Variants in ABLIM1 observed in about 807,000 individuals in gnomAD.
ABLIM1 encodes the protein actin-binding LIM protein 1.
A neutral mutation model predicts 107.0 loss-of-function variants in ABLIM1; 40 were observed. That is an observed-to-expected ratio of 0.37 (90% CI 0.29 to 0.49). The LOEUF is 0.49. Ranked by LOEUF, ABLIM1 falls within the 20% of genes least tolerant of loss-of-function variation. The pLI is 0.97. For synonymous variants in ABLIM1, 357 were observed against 357.3 expected, an observed-to-expected ratio of 1.00 and a Z score of 0.01; for missense variants, 857 against 1,008.5, an observed-to-expected ratio of 0.85 and a Z score of 2.04.
intron 1 of ABLIM1, among the ~76,000 whole-genome samples, chr10:114,757,705 C>A (rs560065478): frequency 6.6e-6 from 1 of 152,326 alleles, no homozygotes; most frequent in East Asian, 1.9e-4. Flanking sequence ...CCTAACTGTT[C>A]TTCTTGCTTC....
intron 6 of ABLIM1, among the ~76,000 whole-genome samples, chr10:114,508,880 C>A (rs12765660): frequency 0.14 from 21,495 of 152,172 alleles, 1,709 homozygotes; most frequent in Middle Eastern, 0.18. Context: ...GAAAGTTCTA[C>A]AAACAGATGA....
intron 1 of ABLIM1, among the ~76,000 whole-genome samples, chr10:114,617,350 C>T (rs2077193172): frequency 6.6e-6 from 1 of 151,022 alleles, no homozygotes; most frequent in African/African-American, 2.4e-5. Context: ...CAACCTCTGC[C>T]TCCTGTGTTC....
At chr10:114,544,919 A>G in intron 6 of ABLIM1, 86 bp downstream of exon 6, 1 of 1,186,692 alleles carries the variant, frequency 8.4e-7, no homozygotes, top group South Asian at 1.2e-5. Context: ...AAGATGGAGG[A>G]GGTGGGAAAG....
At chr10:114,568,484 C>T (rs1341462390) in intron 4 of ABLIM1, among the ~76,000 whole-genome samples, 1 of 152,178 alleles carries the variant, frequency 6.6e-6, no homozygotes, top group Non-Finnish European at 1.5e-5. Context: ...TGAAGAGTCA[C>T]GAATAGCAAA....
At chr10:114,612,289 C>A (rs893752656) in intron 1 of ABLIM1, among the ~76,000 whole-genome samples, 4 of 152,104 alleles carry the variant, frequency 2.6e-5, no homozygotes, top group Admixed American at 6.5e-5. Flanking sequence ...AAGTTCAGCC[C>A]CTATCCTCGC....
intron 1 of ABLIM1, among the ~76,000 whole-genome samples, chr10:114,704,609 A>T (rs2081382996): frequency 7.2e-6 from 1 of 139,742 alleles, no homozygotes; most frequent in Non-Finnish European, 1.5e-5. Flanking sequence ...TTCGCAGCCA[A>T]AGCCTGCCTT....
chr10:114,739,933 A>C (rs1591919680), intron 1 of ABLIM1, among the ~76,000 whole-genome samples: 1 of 152,112 alleles, frequency 6.6e-6, no homozygotes, highest in Admixed American at 6.6e-5. Context: ...AAGTAAAAAG[A>C]AGCAATAAAT....
intron 1 of ABLIM1, among the ~76,000 whole-genome samples, chr10:114,668,726 C>T (rs2080128862): frequency 6.6e-6 from 1 of 152,084 alleles, no homozygotes; most frequent in Non-Finnish European, 1.5e-5. Context: ...AGATAAGAAA[C>T]ACAGGAAAGA....
chr10:114,777,941 T>C, the ABLIM1 span: 1 of 152,290 alleles, frequency 6.6e-6, no homozygotes, highest in Non-Finnish European at 1.5e-5. Flanking sequence ...CTTATCCTTC[T>C]TTTTCTTAGG....
intron 6 of ABLIM1, among the ~76,000 whole-genome samples, chr10:114,514,571 G>A (rs1003460008): frequency 1.3e-5 from 2 of 152,242 alleles, no homozygotes; most frequent in South Asian, 2.1e-4. Flanking sequence ...TAGAGACAGG[G>A]TCTCCCTATG....
chr10:114,778,211 A>G, the ABLIM1 span: 1 of 152,562 alleles, frequency 6.6e-6, no homozygotes, highest in Non-Finnish European at 1.5e-5. Context: ...AAAAAATACA[A>G]AAATTAGCCG....
rs1353309014 is a variant in ABLIM1 at position 114,433,546 on chromosome 10, T to C, written c.*2714A>G. ...GCATTTCTGCAAGGTGCAGTTTAAA[T>C]GAACTCATATGGTACTTGATATGGA... On this transcript the variant is annotated 3_prime_UTR_variant, in exon 23 of 23. Coordinates refer to ENST00000533213, the MANE Select transcript of ABLIM1 (RefSeq NM_002313.7). The C allele has an allele frequency of 6.6e-6, 1 of 152,276 alleles. No homozygotes were observed. The highest frequency in any genetic ancestry group is 1.9e-4 in the East Asian group (1 of 5,200). The allele number at this position is 152,276 out of a possible 1,614,324, so 9.4% of individuals were successfully genotyped here. A position where few individuals can be genotyped will look rare whatever the true frequency, so the allele number is the denominator to read the frequency against.
At chr10:114,658,294 T>C (rs532132634), upstream of ABLIM1, 60 of 1,512,536 alleles carry the variant, frequency 4.0e-5, no homozygotes, top group African/African-American at 7.4e-4. Flanking sequence ...GGCTCCTTAC[T>C]GTCTCCTTTT....
At chr10:114,739,378 T>C (rs551686845) in intron 1 of ABLIM1, among the ~76,000 whole-genome samples, 4 of 152,292 alleles carry the variant, frequency 2.6e-5, no homozygotes, top group Admixed American at 2.6e-4. Context: ...CCAGGGTTGA[T>C]AGAACAAGAA....
At chr10:114,576,984 T>G (rs575515644) in intron 2 of ABLIM1, among the ~76,000 whole-genome samples, 2 of 152,298 alleles carry the variant, frequency 1.3e-5, no homozygotes, top group East Asian at 3.9e-4. Context: ...CCCACCTGCT[T>G]CTTCTTCCCC....
intron 4 of ABLIM1, among the ~76,000 whole-genome samples, chr10:114,569,849 G>C (rs995451371): frequency 1.3e-5 from 2 of 152,178 alleles, no homozygotes; most frequent in Non-Finnish European, 2.9e-5. Flanking sequence ...TTTGTCGGAA[G>C]GTCACATAAA....
rs919498948 is a variant in ABLIM1 at position 114,435,980 on chromosome 10, C to T, written c.*280G>A. The T allele has an allele frequency of 4.6e-5, 14 of 307,492 alleles. No individual in the cohort carries two copies. The highest frequency in any genetic ancestry group is 9.0e-4 in the Middle Eastern group (1 of 1,114). 19.0% of individuals were successfully genotyped at this position (307,492 alleles called of 1,614,324 possible). On this transcript the variant is annotated 3_prime_UTR_variant, in exon 23 of 23. Transcript: ENST00000533213. ...AAGGAAAAGAAAAAGAAGAAAACAA[C>T]GCAGCTCCTGTTGTATACATAAGGT...
At chr10:114,742,748 G>A (rs975461065) in intron 1 of ABLIM1, among the ~76,000 whole-genome samples, 10 of 152,130 alleles carry the variant, frequency 6.6e-5, no homozygotes, top group Admixed American at 2.0e-4. Context: ...GGCAAACCTC[G>A]AGAAACCCTG....
rs1320637979 is a variant in ABLIM1, at chr10:114,431,372, T to C, written c.*4888A>G. The C allele has an allele frequency of 6.6e-6, 1 of 152,198 alleles. No homozygotes were observed. The highest frequency in any genetic ancestry group is 1.5e-5 in the Non-Finnish European group (1 of 68,054). The allele number at this position is 152,198 out of a possible 1,614,324, so 9.4% of individuals were successfully genotyped here. ...AAAAGGAATTCTTCTAAACATTTGC[T>C]TTCATATTTCCAAAAGGGGAGGGAG... is the stretch of plus-strand genomic sequence containing the variant. On this transcript the variant is annotated 3_prime_UTR_variant, in exon 23 of 23. Transcript: ENST00000533213.
Sources: gnomAD v4.1 joint callset for allele counts (sites outside exome capture counted in the v4.1 genomes callset) on GRCh38, gnomAD v4.1.1 for gene constraint, MANE v1.5 for transcripts, NCBI Gene and HGNC (gene_info 2026-07-23, HGNC 2026-07-21) for gene names.